The following CFAP299 variants were observed in gnomAD, a reference collection of about 807,000 sequenced individuals.
CFAP299 encodes the protein cilia and flagella associated protein 299.
In CFAP299, 21 loss-of-function variants were observed where a neutral mutation model predicts 27.0. The ratio of observed to expected loss-of-function variants is 0.78; its 90% CI spans 0.55 to 1.12. The LOEUF (loss-of-function observed/expected upper bound fraction) is 1.12, where lower values mean the gene tolerates loss of function less well. CFAP299 is among the 50% of genes most tolerant of loss of function. The pLI is 0.00. For synonymous variants in CFAP299, 104 were observed against 98.1 expected, an observed-to-expected ratio of 1.06 and a Z score of -0.36; for missense variants, 310 against 276.6, an observed-to-expected ratio of 1.12 and a Z score of -0.86.
intron 2 of CFAP299, among the ~76,000 whole-genome samples, chr4:80,481,762 G>T (rs1730583007): frequency 6.6e-6 from 1 of 151,986 alleles, no homozygotes; most frequent in Non-Finnish European, 1.5e-5. Flanking sequence ...CCTGAAAACA[G>T]AACATATATT....
intron 1 of CFAP299, among the ~76,000 whole-genome samples, chr4:80,341,160 A>G (rs1722430613): frequency 6.6e-6 from 1 of 152,228 alleles, no homozygotes. Flanking sequence ...AACTCCAGCC[A>G]GGGTTATACA....
chr4:80,345,986 A>G (rs1460238696), intron 1 of CFAP299, among the ~76,000 whole-genome samples: 1 of 152,126 alleles, frequency 6.6e-6, no homozygotes, highest in Non-Finnish European at 1.5e-5. Flanking sequence ...GTGAGATGGT[A>G]TCTCATTATG....
chr4:80,860,439 C>T (rs1358114829), intron 3 of CFAP299, among the ~76,000 whole-genome samples: 3 of 152,158 alleles, frequency 2.0e-5, no homozygotes, highest in African/African-American at 7.2e-5. Flanking sequence ...AGCTTTGTTC[C>T]ATTGCTGGTG....
chr4:80,889,780 C>T (rs1025955790), intron 4 of CFAP299, among the ~76,000 whole-genome samples: 1 of 151,936 alleles, frequency 6.6e-6, no homozygotes, highest in Non-Finnish European at 1.5e-5. Flanking sequence ...TTCATCATGA[C>T]CAAGTAGGAC....
chr4:80,801,678 A>C (rs76857190), intron 3 of CFAP299, among the ~76,000 whole-genome samples: 3,202 of 152,146 alleles, frequency 0.021, 134 homozygotes, highest in African/African-American at 0.073. Flanking sequence ...GTGTTTGCAG[A>C]TCCTCCTCAA....
intron 3 of CFAP299, among the ~76,000 whole-genome samples, chr4:80,869,493 G>A (rs1392590906): frequency 6.6e-6 from 1 of 152,094 alleles, no homozygotes; most frequent in African/African-American, 2.4e-5. Flanking sequence ...TTTTCAACTG[G>A]AATATTGCAA....
intron 3 of CFAP299, among the ~76,000 whole-genome samples, chr4:80,800,257 T>G (rs1206621623): frequency 1.4e-5 from 1 of 72,976 alleles, no homozygotes; most frequent in African/African-American, 5.8e-5. Context: ...TAATATATAT[T>G]ATATAAATAA....
intron 3 of CFAP299, among the ~76,000 whole-genome samples, chr4:80,797,486 A>G (rs1354380513): frequency 1.3e-5 from 2 of 152,202 alleles, no homozygotes; most frequent in African/African-American, 4.8e-5. Context: ...GCTCTACACA[A>G]GTCAGACTAT....
chr4:80,639,358 G>C (rs17004961), intron 3 of CFAP299, among the ~76,000 whole-genome samples: 11,250 of 152,194 alleles, frequency 0.074, 594 homozygotes, highest in East Asian at 0.22. Context: ...ATTTAGGTGA[G>C]GCCAGAAGAA....
chr4:80,807,345 G>A lies in CFAP299; in HGVS notation c.334-62648G>A, dbSNP rs149966446. Among the ~76,000 whole-genome samples the A allele has an allele frequency of 6.6e-5, 10 of 152,068 alleles. No homozygotes were observed. In the South Asian group the frequency reaches 8.3e-4, roughly 13 times the overall value. Reference sequence around the variant, plus strand: ...GTACAACCATTTCATGAATCACAACGTCGGAATACATTGTGATAAAAATTA... The same window carrying A: ...GTACAACCATTTCATGAATCACAACATCGGAATACATTGTGATAAAAATTA... On this transcript the variant is annotated intron_variant, in intron 3 of 5. Transcript: ENST00000358105.
At chr4:80,787,640 AG>A (rs1212859498) in intron 3 of CFAP299, among the ~76,000 whole-genome samples, 1 of 151,990 alleles carries the variant, frequency 6.6e-6, no homozygotes, top group Admixed American at 6.6e-5. Context: ...ATCAATTCCA[AG>A]CCCTTTTTAT....
intron 3 of CFAP299, among the ~76,000 whole-genome samples, chr4:80,661,903 C>T (rs910551172): frequency 9.2e-5 from 14 of 152,076 alleles, no homozygotes; most frequent in African/African-American, 1.4e-4. Flanking sequence ...TGGTGACAGC[C>T]GTCTTTTACA....
intron 5 of CFAP299, among the ~76,000 whole-genome samples, chr4:80,959,176 G>A (rs1738213959): frequency 6.6e-6 from 1 of 152,104 alleles, no homozygotes; most frequent in South Asian, 2.1e-4. Flanking sequence ...AAAGAAGTTT[G>A]TGAATGATAT....
intron 3 of CFAP299, among the ~76,000 whole-genome samples, chr4:80,774,990 G>T (rs1726441257): frequency 1.3e-5 from 2 of 151,418 alleles, no homozygotes; most frequent in African/African-American, 4.8e-5. Flanking sequence ...CACCAGCATG[G>T]CATATGTATA....
intron 2 of CFAP299, among the ~76,000 whole-genome samples, chr4:80,487,470 T>C (rs1321602520): frequency 6.6e-6 from 1 of 152,194 alleles, no homozygotes; most frequent in Non-Finnish European, 1.5e-5. Flanking sequence ...AAAAGGCAAC[T>C]TGGGGAGAAA....
At chr4:80,419,115 C>T (rs780897737) in intron 2 of CFAP299, among the ~76,000 whole-genome samples, 10 of 152,162 alleles carry the variant, frequency 6.6e-5, no homozygotes, top group Non-Finnish European at 1.5e-4. Context: ...AAGGAGAGAC[C>T]TAGGCATATT....
At chr4:80,887,393 G>A (rs1734024380) in intron 4 of CFAP299, among the ~76,000 whole-genome samples, 1 of 152,126 alleles carries the variant, frequency 6.6e-6, no homozygotes, top group Non-Finnish European at 1.5e-5. Flanking sequence ...AGACTTCTCA[G>A]TGGAAACATT....
At chr4:80,692,889 C>G (rs889300500) in intron 3 of CFAP299, among the ~76,000 whole-genome samples, 4 of 151,402 alleles carry the variant, frequency 2.6e-5, no homozygotes, top group African/African-American at 9.7e-5. Context: ...GGGTGAAGGA[C>G]ATGAACAGAC....
At chr4:80,492,038 A>C (rs1731161668) in intron 2 of CFAP299, among the ~76,000 whole-genome samples, 1 of 152,172 alleles carries the variant, frequency 6.6e-6, no homozygotes, top group African/African-American at 2.4e-5. Flanking sequence ...TTTTACCTTA[A>C]TCTTTATCTT....
Sources: gnomAD v4.1 joint callset for allele counts (sites outside exome capture counted in the v4.1 genomes callset) on GRCh38, gnomAD v4.1.1 for gene constraint, MANE v1.5 for transcripts, NCBI Gene and HGNC (gene_info 2026-07-23, HGNC 2026-07-21) for gene names.